SLCO1B1: variants seen among roughly 807,000 people sequenced by gnomAD.
SLCO1B1 encodes the protein solute carrier organic anion transporter family member 1B1.
SLCO1B1 carries 81 observed loss-of-function variants against 70.1 expected under a neutral mutation model. That is an observed-to-expected ratio of 1.16 (90% CI 0.97 to 1.39). SLCO1B1 has a LOEUF of 1.39. SLCO1B1 is among the 40% of genes most tolerant of loss of function. SLCO1B1 has a pLI of 0.00. For synonymous variants in SLCO1B1, 283 were observed against 271.5 expected, an observed-to-expected ratio of 1.04 and a Z score of -0.42; for missense variants, 895 against 799.6, an observed-to-expected ratio of 1.12 and a Z score of -1.44.
chr12:21,205,418 T>C (rs1941204428), intron 10 of SLCO1B1, among the ~76,000 whole-genome samples: 1 of 151,960 alleles, frequency 6.6e-6, no homozygotes, highest in African/African-American at 2.4e-5. Flanking sequence ...AATAGAGATT[T>C]TTAAATTCAA....
At position 21,239,373 on chromosome 12, in the gene SLCO1B1, C is replaced by G; in HGVS notation, c.*184C>G. 5.3e-6 allele frequency: 3 copies of G among 570,836 alleles called. No homozygotes were observed. Among genetic ancestry groups the G allele is most frequent in the East Asian group, 6.1e-5 (2 of 33,046 alleles). 35.4% of individuals were successfully genotyped at this position (570,836 alleles called of 1,614,324 possible). A position where few individuals can be genotyped will look rare whatever the true frequency, so the allele number is the denominator to read the frequency against. On this transcript the variant is annotated 3_prime_UTR_variant, in exon 15 of 15. Transcript: ENST00000256958. ...ACTGTAGGTAGAAAAAATGAGAGTA[C>G]TCATTGTTACATTATAGCTACATAT...
chr12:21,193,844 G>A (rs1941059167), intron 7 of SLCO1B1, among the ~76,000 whole-genome samples: 1 of 152,072 alleles, frequency 6.6e-6, no homozygotes, highest in Non-Finnish European at 1.5e-5. Context: ...AGGCTGGAGT[G>A]CAGTGGTGCG....
chr12:21,138,105 G>A (rs955777933), intron 1 of SLCO1B1, among the ~76,000 whole-genome samples: 1 of 152,184 alleles, frequency 6.6e-6, no homozygotes, highest in African/African-American at 2.4e-5. Context: ...GTGGAGATGG[G>A]GGATTGTCTC....
intron 2 of SLCO1B1, among the ~76,000 whole-genome samples, chr12:21,162,385 T>G (rs1391427427): frequency 1.3e-5 from 2 of 152,130 alleles, no homozygotes; most frequent in Non-Finnish European, 2.9e-5. Context: ...GATAAACACT[T>G]CAAAAAATTT....
intron 14 of SLCO1B1, among the ~76,000 whole-genome samples, chr12:21,227,907 C>T (rs562184310): frequency 3.2e-4 from 48 of 152,096 alleles, no homozygotes; most frequent in Non-Finnish European, 4.6e-4. Context: ...TTTATTAATG[C>T]ATTCTTCTTG....
intron 2 of SLCO1B1, among the ~76,000 whole-genome samples, chr12:21,152,112 T>C (rs1296939671): frequency 6.6e-6 from 1 of 152,110 alleles, no homozygotes; most frequent in East Asian, 1.9e-4. Flanking sequence ...GTTTTGCAGA[T>C]TTTAATTCAT....
rs1236489495 is a variant in SLCO1B1, at chr12:21,141,648, A to G, written c.74A>G (p.Asn25Ser). ...GAGAATAAGAAAACAAGATACTGCA[A>G]TGGATTGAAGGTAGAATAAGTTTTA... ...PSENKKTRYC[N>S]GLKMFLAALS... Residue 25 changes from asparagine to serine, a missense_variant, in exon 2 of 15, where the codon AAT (asparagine) becomes AGT (serine). Asn to Ser is a conservative substitution (Grantham distance 46). Transcript: ENST00000256958. 2 of 1,599,242 alleles carry G rather than the reference A, an allele frequency of 1.3e-6. No individual in the cohort carries two copies. The highest frequency in any genetic ancestry group is 1.3e-5 in the African/African-American group (1 of 74,712).
chr12:21,211,544 T>C (rs1418605108), intron 11 of SLCO1B1, among the ~76,000 whole-genome samples: 12 of 152,290 alleles, frequency 7.9e-5, no homozygotes, highest in African/African-American at 2.6e-4. Flanking sequence ...TGTCTCTGCC[T>C]GGCTTTGGTA....
At chr12:21,133,758 T>C (rs375221566) in intron 1 of SLCO1B1, among the ~76,000 whole-genome samples, 2 of 152,178 alleles carry the variant, frequency 1.3e-5, no homozygotes, top group African/African-American at 2.4e-5. Flanking sequence ...TTTCTAGATA[T>C]ACAATCATGT....
intron 14 of SLCO1B1, among the ~76,000 whole-genome samples, chr12:21,233,724 A>G (rs1941568120): frequency 6.6e-6 from 1 of 152,182 alleles, no homozygotes; most frequent in Non-Finnish European, 1.5e-5. Flanking sequence ...GACAGACATC[A>G]TTTCCAGGAA....
intron 1 of SLCO1B1, among the ~76,000 whole-genome samples, chr12:21,134,624 G>A (rs1463002333): frequency 6.6e-6 from 1 of 152,184 alleles, no homozygotes; most frequent in African/African-American, 2.4e-5. Flanking sequence ...TTTGCCTAGA[G>A]GTGTTTATAG....
rs575788219 is a variant in SLCO1B1 at position 21,137,872 on chromosome 12, T to G, written c.-61-3642T>G. ...GCACCTACTGTCTGGCACTCCCCAG[T>G]GAGATGAACCCGGTACCTCAGTTGG... On this transcript the variant is annotated intron_variant, in intron 1 of 14. Coordinates refer to ENST00000256958, the MANE Select transcript of SLCO1B1 (RefSeq NM_006446.5). Among the ~76,000 whole-genome samples, 12 of 152,246 alleles carry G rather than the reference T, an allele frequency of 7.9e-5. No individual in the cohort carries two copies. The East Asian group carries it at 2.3e-3, about 30-fold the overall frequency.
chr12:21,158,840 C>CA (rs1016769643), intron 2 of SLCO1B1, among the ~76,000 whole-genome samples: 8 of 149,766 alleles, frequency 5.3e-5, no homozygotes, highest in East Asian at 3.9e-4. Flanking sequence ...TTTACTAAAA[C>CA]AAAAAAAAAG....
intron 13 of SLCO1B1, 85 bp from the exon 14 acceptor site, chr12:21,224,637 A>C: frequency 1.1e-6 from 1 of 872,102 alleles, no homozygotes; most frequent in Non-Finnish European, 1.9e-6. Flanking sequence ...ACTTTTATTT[A>C]ATCAAAATAT....
At chr12:21,214,960 G>A (rs1000850365) in intron 11 of SLCO1B1, among the ~76,000 whole-genome samples, 2 of 151,860 alleles carry the variant, frequency 1.3e-5, no homozygotes, top group African/African-American at 2.4e-5. Flanking sequence ...TGCGCCCACT[G>A]TCTGGCACTC....
At chr12:21,165,863 T>G (rs1056110390) in intron 2 of SLCO1B1, among the ~76,000 whole-genome samples, 1 of 152,166 alleles carries the variant, frequency 6.6e-6, no homozygotes, top group African/African-American at 2.4e-5. Flanking sequence ...ATGTTTGTTG[T>G]TTAAGCCATC....
At chr12:21,233,333 C>T (rs1349333522) in intron 14 of SLCO1B1, among the ~76,000 whole-genome samples, 1 of 152,096 alleles carries the variant, frequency 6.6e-6, no homozygotes, top group African/African-American at 2.4e-5. Context: ...GAGGTCTCCT[C>T]CACATATACA....
At chr12:21,235,020 G>C (rs578156147) in intron 14 of SLCO1B1, among the ~76,000 whole-genome samples, 2 of 151,484 alleles carry the variant, frequency 1.3e-5, no homozygotes, top group African/African-American at 4.8e-5. Context: ...TCTGATTTTT[G>C]GGTGAAGTAT....
At position 21,142,146 on chromosome 12, in the gene SLCO1B1, A is replaced by G. The variant is rs142628973; in HGVS notation, c.84+488A>G. Among the ~76,000 whole-genome samples the G allele has an allele frequency of 5.0e-3, 760 of 151,862 alleles. 7 individuals carry two copies. The highest frequency in any genetic ancestry group is 7.8e-3 in the Admixed American group (119 of 15,250). ...GGCTCATGGAACGGAGGTCTATGAT[A>G]GTCAAAAACTTGGCCAAAAGACCTG... On this transcript the variant is annotated intron_variant, in intron 2 of 14. Transcript: ENST00000256958.
Sources: gnomAD v4.1 joint callset for allele counts (sites outside exome capture counted in the v4.1 genomes callset) on GRCh38, gnomAD v4.1.1 for gene constraint, MANE v1.5 for transcripts, NCBI Gene and HGNC (gene_info 2026-07-23, HGNC 2026-07-21) for gene names.